The following RABEP2 variants were observed in gnomAD, a reference collection of about 807,000 sequenced individuals.
The protein encoded by RABEP2 is rab GTPase-binding effector protein 2.
RABEP2 carries 57 observed loss-of-function variants against 74.1 expected under a neutral mutation model. The observed-to-expected ratio is 0.77, with a 90% confidence interval of 0.62 to 0.96. The LOEUF is 0.96. Among genes scored for constraint, RABEP2 ranks in the 40% least tolerant of loss-of-function variants. The probability of loss-of-function intolerance (pLI) is 0.00; values close to 1 mark genes in which losing one functional copy is unlikely to be tolerated. For missense variants in RABEP2, 692 were observed against 756.3 expected (o/e 0.91, Z 1.00); for synonymous variants, 351 against 344.0 (o/e 1.02, Z -0.23).
In RABEP2 at chr16:28,925,074, C is replaced by G. The variant is rs762086040; in HGVS notation, c.61+29G>C. 19 of 1,550,838 alleles carry G rather than the reference C, an allele frequency of 1.2e-5. No homozygotes were observed. In the South Asian group the frequency reaches 1.6e-4, roughly 13 times the overall value. On this transcript the variant is annotated intron_variant, in intron 1 of 12. Transcript: ENST00000358201. ...GGCCCCGCCCCCAGCATCACCGTTC[C>G]CCGCTTGCACGGACGCCCCCTCACG...
rs774661924 is a variant in RABEP2 at position 28,914,521 on chromosome 16, T to C, written c.609A>G (p.Pro203=). 2.5e-6 allele frequency: 4 copies of C among 1,612,620 alleles called. No homozygotes were observed. Among genetic ancestry groups the C allele is most frequent in the South Asian group, 1.1e-5 (1 of 90,998 alleles). ...CCTCCAGAGGCTCCAGCGGGGGCGA[T>C]GGATCCCGGGACAGGGGCAGCAACT... ...STELLPLSRD[P]SPPLEPLEEL... Residue 203 remains proline (P), a synonymous_variant, in exon 5 of 13, where the codon CCA becomes CCG. Coordinates refer to ENST00000358201, the MANE Select transcript of RABEP2 (RefSeq NM_024816.3).
At chr16:28,924,669 C>T in intron 1 of RABEP2, 54 bp from the exon 2 acceptor site, 1 of 1,528,966 alleles carries the variant, frequency 6.5e-7, no homozygotes, top group Non-Finnish European at 9.0e-7. Context: ...AGGCCACCTA[C>T]CGGCTTAGCA....
chr16:28,916,004 T>A (rs566862098), intron 3 of RABEP2, among the ~76,000 whole-genome samples: 1 of 152,134 alleles, frequency 6.6e-6, no homozygotes, highest in East Asian at 1.9e-4. Flanking sequence ...CACGCCCAGC[T>A]AATTTTTTTG....
intron 2 of RABEP2, among the ~76,000 whole-genome samples, chr16:28,921,593 G>A (rs960437086): frequency 1.3e-5 from 2 of 150,752 alleles, no homozygotes; most frequent in Non-Finnish European, 3.0e-5. Flanking sequence ...CAAGAGGTTT[G>A]GAACTTATTC....
chr16:28,916,673 CAAAAAAAAAA>C (rs74392921), intron 3 of RABEP2, among the ~76,000 whole-genome samples: 6 of 48,694 alleles, frequency 1.2e-4, no homozygotes, highest in East Asian at 1.2e-3. Flanking sequence ...CTCTTGTCTC[CAAAAAAAAAA>C]AAAAAAAAAA....
intron 7 of RABEP2, chr16:28,910,303 CTTT>C (rs1414498497): frequency 1.2e-5 from 1 of 85,068 alleles, no homozygotes; most frequent in Non-Finnish European, 2.5e-5. Flanking sequence ...TTTTTTTTTT[CTTT>C]GAGACAGTTT....
chr16:28,908,458 T>C, intron 8 of RABEP2, 151 bp downstream of exon 8: 1 of 704,918 alleles, frequency 1.4e-6, no homozygotes, highest in Non-Finnish European at 2.2e-6. Flanking sequence ...GTTCCATTTC[T>C]CAGATGAGGA....
rs1208089913 is a variant in RABEP2 at position 28,914,674 on chromosome 16, G to A, written c.541C>T (p.Gln181Ter). ...LRAEELIQEIQRRPRHAPSLH... is the reference protein window; with the variant it reads ...LRAEELIQEI ...GCGCCCCCTGGCCGTGCCCTCACCT[G>A]GATCTCCTGAATCAGCTCCTCGGCC... is the stretch of plus-strand genomic sequence containing the variant. The change falls in exon 4 of 13, where the codon CAG becomes TAG. Residue 181 changes from glutamine to a stop codon, truncating the protein, a stop_gained and splice_region_variant. Transcript: ENST00000358201. LOFTEE classifies it high-confidence loss of function. 6.2e-7 allele frequency: 1 copy of A among 1,613,930 alleles called. No homozygotes were observed. Among genetic ancestry groups the A allele is most frequent in the African/African-American group, 1.3e-5 (1 of 74,930 alleles).
intron 8 of RABEP2, 87 bp from the exon 9 acceptor site, chr16:28,906,283 G>T: frequency 7.0e-7 from 1 of 1,437,116 alleles, no homozygotes; most frequent in Non-Finnish European, 9.1e-7. Context: ...TTGTCGGGAG[G>T]AACGGGGAAG....
chr16:28,906,514 CAG>C (rs1460902900), intron 8 of RABEP2, among the ~76,000 whole-genome samples: 2 of 152,142 alleles, frequency 1.3e-5, no homozygotes, highest in Non-Finnish European at 2.9e-5. Context: ...CCTGCAATCT[CAG>C]TACTTTGGGA....
intron 2 of RABEP2, among the ~76,000 whole-genome samples, chr16:28,922,393 T>C (rs1450578969): frequency 6.6e-6 from 1 of 152,102 alleles, no homozygotes; most frequent in African/African-American, 2.4e-5. Flanking sequence ...GAGACTATCC[T>C]GGCTAACACG....
chr16:28,913,778 C>CTTTTT (rs1163826105), intron 5 of RABEP2, among the ~76,000 whole-genome samples: 1 of 120,470 alleles, frequency 8.3e-6, no homozygotes. Flanking sequence ...CACCCGGCCT[C>CTTTTT]TTTTTTTTTT....
chr16:28,905,726 C>T lies in RABEP2; in HGVS notation c.1469G>A (p.Arg490Gln), dbSNP rs565676929. ...CACCTTGCTCTGTTCCTGCTGCACC[C>T]GCTCCATCTCTGTCCTCAGGCTGCA... Reference protein sequence around the residue: ...SLCSLRTEMERVQQEQSKAQL... With the variant: ...SLCSLRTEMEQVQQEQSKAQL... The change falls in exon 11 of 13, where the codon CGG becomes CAG. Residue 490 changes from arginine to glutamine, a missense_variant. Physicochemically the swap from Arg to Gln is conservative, Grantham distance 43. Transcript: ENST00000358201. 17 of 1,614,030 alleles carry T rather than the reference C, an allele frequency of 1.1e-5. No individual in the cohort carries two copies. The East Asian group carries it at 2.5e-4, about 23-fold the overall frequency.
intron 8 of RABEP2, among the ~76,000 whole-genome samples, chr16:28,907,423 G>A (rs1240363459): frequency 6.6e-6 from 1 of 152,072 alleles, no homozygotes; most frequent in Non-Finnish European, 1.5e-5. Context: ...CTCCTAAGTA[G>A]CTGGGACTAT....
At chr16:28,911,224 C>G (rs1420366694) in intron 5 of RABEP2, 45 bp from the exon 6 acceptor site, 3 of 1,571,394 alleles carry the variant, frequency 1.9e-6, no homozygotes, top group Non-Finnish European at 2.6e-6. Context: ...AGGAACTTGG[C>G]CCCCCTCACC....
chr16:28,912,693 G>A (rs1374186738), intron 5 of RABEP2, among the ~76,000 whole-genome samples: 1 of 151,958 alleles, frequency 6.6e-6, no homozygotes, highest in Non-Finnish European at 1.5e-5. Context: ...GATTACACGC[G>A]TGAGCCACTG....
At chr16:28,906,977 A>G (rs1964244122) in intron 8 of RABEP2, among the ~76,000 whole-genome samples, 1 of 151,936 alleles carries the variant, frequency 6.6e-6, no homozygotes, top group South Asian at 2.1e-4. Context: ...AAAATAAAAT[A>G]AAATAAACCC....
intron 5 of RABEP2, 40 bp downstream of exon 5, chr16:28,914,195 AG>A: frequency 1.3e-6 from 2 of 1,482,374 alleles, no homozygotes; most frequent in Non-Finnish European, 1.8e-6. Flanking sequence ...TCCAGCAGAG[AG>A]GGGGATGGTA....
chr16:28,912,986 C>G (rs1352898896), intron 5 of RABEP2, among the ~76,000 whole-genome samples: 1 of 151,684 alleles, frequency 6.6e-6, no homozygotes, highest in Non-Finnish European at 1.5e-5. Flanking sequence ...CACAGTTTCT[C>G]TCTGCTTCTC....
Sources: allele counts gnomAD v4.1 joint callset (sites outside exome capture counted in the v4.1 genomes callset), GRCh38; gene constraint gnomAD v4.1.1; transcripts MANE v1.5; gene names NCBI Gene and HGNC (gene_info 2026-07-23, HGNC 2026-07-21).